Variants in PKHD1 observed in about 807,000 individuals in gnomAD.
The protein encoded by PKHD1 is fibrocystin.
In PKHD1, 291 loss-of-function variants were observed where a neutral mutation model predicts 412.0. The ratio of observed to expected loss-of-function variants is 0.71; its 90% CI spans 0.64 to 0.78. The LOEUF (loss-of-function observed/expected upper bound fraction) is 0.78. Ranked by LOEUF, PKHD1 falls within the 30% of genes least tolerant of loss-of-function variation. PKHD1 has a pLI of 0.00. For synonymous variants in PKHD1, 1,777 were observed against 1,821.5 expected, an observed-to-expected ratio of 0.98 and a Z score of 0.62; for missense variants, 4,825 against 4,950.7, an observed-to-expected ratio of 0.97 and a Z score of 0.76.
intron 52 of PKHD1, among the ~76,000 whole-genome samples, chr6:51,804,925 T>C (rs2151351858): frequency 6.6e-6 from 1 of 150,882 alleles, no homozygotes; most frequent in Non-Finnish European, 1.5e-5. Flanking sequence ...TTATACACTG[T>C]TGGTGGGAAT....
chr6:51,701,236 GGTGA>G (rs1242975891), intron 60 of PKHD1, among the ~76,000 whole-genome samples: 21 of 151,956 alleles, frequency 1.4e-4, no homozygotes, highest in Non-Finnish European at 2.8e-4. Flanking sequence ...AAATTTTCAT[GGTGA>G]GTATCACTGG....
intron 60 of PKHD1, among the ~76,000 whole-genome samples, chr6:51,718,619 A>G (rs1053321712): frequency 1.3e-5 from 2 of 152,196 alleles, no homozygotes; most frequent in African/African-American, 4.8e-5. Context: ...CCACTATACT[A>G]TGTCACATTC....
intron 33 of PKHD1, among the ~76,000 whole-genome samples, chr6:52,022,255 T>A (rs551803668): frequency 3.7e-4 from 56 of 152,330 alleles, no homozygotes; most frequent in African/African-American, 1.3e-3. Flanking sequence ...TTTTACTGAA[T>A]AAGAAATAAG....
intron 28 of PKHD1, among the ~76,000 whole-genome samples, chr6:52,035,025 GA>G (rs1803716412): frequency 6.6e-6 from 1 of 152,102 alleles, no homozygotes; most frequent in Non-Finnish European, 1.5e-5. Context: ...ACCAGGGAAG[GA>G]CCCAGACTCA....
chr6:51,933,121 T>C (rs1489995729), intron 37 of PKHD1, among the ~76,000 whole-genome samples: 1 of 152,176 alleles, frequency 6.6e-6, no homozygotes, highest in Non-Finnish European at 1.5e-5. Flanking sequence ...CAAAAGCATA[T>C]AAACACCCAC....
In PKHD1 at chr6:52,025,543, C is replaced by A; in HGVS notation, c.4267G>T (p.Val1423Phe). The change falls in exon 32 of 67, where the codon GTT becomes TTT. Residue 1423 changes from valine (V) to phenylalanine (F), a missense_variant. Physicochemically the swap from Val to Phe is conservative, Grantham distance 50. Coordinates refer to ENST00000371117, the MANE Select transcript of PKHD1 (RefSeq NM_138694.4). ...LLNSRRRSVR[V>F]DLSGPFTCVI... ...CAAGTAAAAGGACCCGAGAGGTCAA[C>A]CCGAACTGACCTCCTTCTAGAGTTA... The A allele has an allele frequency of 6.2e-7, 1 of 1,614,190 alleles. No homozygotes were observed. Among genetic ancestry groups the A allele is most frequent in the South Asian group, 1.1e-5 (1 of 91,078 alleles).
chr6:51,645,231 C>T (rs1215896795), intron 63 of PKHD1, among the ~76,000 whole-genome samples: 1 of 152,130 alleles, frequency 6.6e-6, no homozygotes, highest in Non-Finnish European at 1.5e-5. Context: ...CAAAAGTTAA[C>T]AAGATTTCCT....
chr6:51,986,483 G>A (rs373368254), intron 35 of PKHD1, among the ~76,000 whole-genome samples: 4 of 152,208 alleles, frequency 2.6e-5, no homozygotes, highest in African/African-American at 9.7e-5. Context: ...AGGAAGGGAC[G>A]AAATACATCA....
intron 48 of PKHD1, among the ~76,000 whole-genome samples, chr6:51,858,903 T>G (rs1407056): frequency 0.4 from 61,117 of 151,910 alleles, 13,483 homozygotes; most frequent in East Asian, 0.85. Context: ...AGCAGTTGGG[T>G]GATCCTAAGT....
chr6:51,867,828 T>G, intron 48 of PKHD1, 35 bp downstream of exon 48: 1 of 1,599,822 alleles, frequency 6.3e-7, no homozygotes, highest in Non-Finnish European at 8.6e-7. Flanking sequence ...TGCATGCCCA[T>G]CGGCAAGCTA....
intron 35 of PKHD1, among the ~76,000 whole-genome samples, chr6:51,993,797 A>G (rs1434936009): frequency 2.0e-5 from 3 of 152,166 alleles, no homozygotes; most frequent in Non-Finnish European, 2.9e-5. Flanking sequence ...ACTCAGCCAG[A>G]CTGGAGAAGA....
At chr6:52,014,488 AGATGGATGGATCATGGATGGATG>A (rs1800209298) in intron 34 of PKHD1, among the ~76,000 whole-genome samples, 2 of 152,226 alleles carry the variant, frequency 1.3e-5, no homozygotes, top group African/African-American at 4.8e-5. Context: ...AATACTGGAT[AGATGGATGGATCATGGATGGATG>A]GATGGATGGA....
At chr6:51,624,657 G>A (rs1298345236) in intron 66 of PKHD1, among the ~76,000 whole-genome samples, 1 of 152,218 alleles carries the variant, frequency 6.6e-6, no homozygotes, top group South Asian at 2.1e-4. Flanking sequence ...AAGACCCTTG[G>A]ATGTGAACAC....
intron 18 of PKHD1, among the ~76,000 whole-genome samples, chr6:52,056,265 G>C (rs1259566454): frequency 6.6e-6 from 1 of 152,138 alleles, no homozygotes; most frequent in African/African-American, 2.4e-5. Flanking sequence ...AAAATAACTA[G>C]AATTTAGTTC....
chr6:51,856,447 G>T (rs13212288), intron 48 of PKHD1, among the ~76,000 whole-genome samples: 1 of 152,208 alleles, frequency 6.6e-6, no homozygotes, highest in East Asian at 1.9e-4. Context: ...TCACATTAAT[G>T]ATTTTGTATG....
At chr6:51,893,501 C>G (rs749523930) in intron 43 of PKHD1, among the ~76,000 whole-genome samples, 48 of 152,202 alleles carry the variant, frequency 3.2e-4, no homozygotes, top group Non-Finnish European at 5.9e-4. Context: ...AGTCAGATCG[C>G]ATTCCTTCCT....
chr6:51,826,071 A>G (rs1767250331), intron 52 of PKHD1, among the ~76,000 whole-genome samples: 2 of 152,040 alleles, frequency 1.3e-5, no homozygotes, highest in Admixed American at 1.3e-4. Context: ...CAATAGTTTT[A>G]TAATCACAAG....
intron 43 of PKHD1, among the ~76,000 whole-genome samples, chr6:51,901,332 A>C (rs1781241021): frequency 6.6e-6 from 1 of 152,234 alleles, no homozygotes; most frequent in South Asian, 2.1e-4. Context: ...GTGGAATACT[A>C]TGCAGCCATA....
intron 1 of PKHD1, 111 bp from the exon 2 acceptor site, chr6:52,085,128 G>A (rs1008142090): frequency 2.5e-5 from 14 of 555,858 alleles, no homozygotes; most frequent in East Asian, 1.9e-4. Context: ...TGGCCTTAGT[G>A]TCTTCAAATG....
Sources: gnomAD v4.1 joint callset for allele counts (sites outside exome capture counted in the v4.1 genomes callset) on GRCh38, gnomAD v4.1.1 for gene constraint, MANE v1.5 for transcripts, NCBI Gene and HGNC (gene_info 2026-07-23, HGNC 2026-07-21) for gene names.